The following LYST variants were observed in gnomAD, a reference collection of about 807,000 sequenced individuals.
LYST encodes lysosomal trafficking regulator, also known as lysosomal-trafficking regulator.
In LYST, 192 loss-of-function variants were observed where a neutral mutation model predicts 413.6. That is an observed-to-expected ratio of 0.46 (90% confidence interval 0.41 to 0.52). The LOEUF (loss-of-function observed/expected upper bound fraction) is 0.52, where lower values mean the gene tolerates loss of function less well. Ranked by LOEUF, LYST falls within the 20% of genes least tolerant of loss-of-function variation. The pLI is 0.00. For synonymous variants in LYST, 1,525 were observed against 1,567.3 expected (o/e 0.97, Z 0.64); for missense variants, 3,815 against 4,499.9 (o/e 0.85, Z 4.35).
At chr1:235,810,593 A>C (rs1673360422) in intron 4 of LYST, 59 bp from the exon 5 acceptor site, 7 of 1,438,504 alleles carry the variant, frequency 4.9e-6, no homozygotes, top group Non-Finnish European at 6.8e-6. Context: ...ACTCAATTTT[A>C]AGGTGACAGC....
At chr1:235,852,971 C>T (rs769576347) in intron 1 of LYST, 7 of 170,376 alleles carry the variant, frequency 4.1e-5, no homozygotes, top group Non-Finnish European at 4.4e-5. Flanking sequence ...CCTTTCAGAG[C>T]ATTTTAGCGA....
At chr1:235,730,479 AAC>A (rs899510231) in intron 36 of LYST, among the ~76,000 whole-genome samples, 40 of 151,938 alleles carry the variant, frequency 2.6e-4, no homozygotes, top group African/African-American at 9.6e-4. Flanking sequence ...AGAGATGTTA[AAC>A]AGTCAATTAC....
chr1:235,665,506 GGAGGCTGAGGCAGAAGAATCACTT>G (rs1286964056), intron 50 of LYST, among the ~76,000 whole-genome samples: 1 of 151,706 alleles, frequency 6.6e-6, no homozygotes, highest in East Asian at 1.9e-4. Context: ...CAGCTACTAG[GGAGGCTGAGGCAGAAGAATCACTT>G]GAACCCAGGA....
At chr1:235,709,415 C>T (rs1662227232) in intron 43 of LYST, 107 bp from the exon 44 acceptor site, 2 of 849,744 alleles carry the variant, frequency 2.4e-6, no homozygotes, top group African/African-American at 3.4e-5. Flanking sequence ...TGTGCTACAA[C>T]CAAAAAAGGG....
rs565716968 is a variant in LYST at position 235,670,342 on chromosome 1, C to T, written c.11039-5721G>A. On this transcript the variant is annotated intron_variant, in intron 50 of 52. Transcript: ENST00000389793. Reference sequence around the variant, plus strand: ...TGTTTGGTATGCTCTTGCAATCAGACGGATGCAGGCAGCACCCTTCTGCAG... The same window carrying T: ...TGTTTGGTATGCTCTTGCAATCAGATGGATGCAGGCAGCACCCTTCTGCAG... 1.4e-4 allele frequency among the ~76,000 whole-genome samples: 21 copies of T among 152,332 alleles called. No homozygotes were observed. In the South Asian group the frequency reaches 2.9e-3, roughly 21 times the overall value.
At chr1:235,698,260 A>T (rs1291042954) in intron 45 of LYST, among the ~76,000 whole-genome samples, 1 of 152,170 alleles carries the variant, frequency 6.6e-6, no homozygotes, top group African/African-American at 2.4e-5. Flanking sequence ...TCTGTAAAAA[A>T]CCTGATTTTT....
chr1:235,695,518 A>C (rs1382124412), intron 46 of LYST, among the ~76,000 whole-genome samples: 1 of 152,250 alleles, frequency 6.6e-6, no homozygotes, highest in Non-Finnish European at 1.5e-5. Context: ...CTGTAGTGGC[A>C]CAAATAAGAT....
intron 45 of LYST, among the ~76,000 whole-genome samples, chr1:235,701,308 G>T (rs941341028): frequency 6.6e-6 from 1 of 152,186 alleles, no homozygotes; most frequent in Non-Finnish European, 1.5e-5. Context: ...TTTCAGGGAT[G>T]TATTGTAAAA....
intron 47 of LYST, among the ~76,000 whole-genome samples, chr1:235,689,011 T>G (rs1660433999): frequency 7.4e-6 from 1 of 135,504 alleles, no homozygotes. Context: ...ATAATAATAA[T>G]AATAATAATA....
chr1:235,713,383 G>GC (rs776651837), intron 42 of LYST, among the ~76,000 whole-genome samples: 8 of 152,144 alleles, frequency 5.3e-5, no homozygotes, highest in Non-Finnish European at 1.2e-4. Flanking sequence ...AGTATCTGGA[G>GC]CTAAGACTAA....
intron 3 of LYST, chr1:235,829,976 A>G: frequency 2.7e-6 from 1 of 365,458 alleles, no homozygotes; most frequent in South Asian, 4.2e-5. Flanking sequence ...TGATATTACG[A>G]TAAAAAGCAT....
At chr1:235,678,579 T>C (rs1571977751) in intron 48 of LYST, among the ~76,000 whole-genome samples, 1 of 152,264 alleles carries the variant, frequency 6.6e-6, no homozygotes, top group East Asian at 1.9e-4. Flanking sequence ...CCTTCAAAAA[T>C]ATAGAAAAGT....
chr1:235,746,291 T>C (rs772572715), intron 29 of LYST, 45 bp downstream of exon 29: 7 of 1,560,694 alleles, frequency 4.5e-6, no homozygotes, highest in Non-Finnish European at 4.4e-6. Flanking sequence ...TACTTCTCTT[T>C]CATTTTAAAA....
At chr1:235,811,236 G>A (rs1015863569) in intron 4 of LYST, among the ~76,000 whole-genome samples, 1 of 152,166 alleles carries the variant, frequency 6.6e-6, no homozygotes, top group African/African-American at 2.4e-5. Context: ...CATAAGAGAT[G>A]CTGTAGATTA....
chr1:235,696,756 T>C (rs1298366728), intron 46 of LYST, among the ~76,000 whole-genome samples: 6 of 152,244 alleles, frequency 3.9e-5, no homozygotes, highest in Non-Finnish European at 8.8e-5. Flanking sequence ...TCTGAGATGG[T>C]AGATTTGTTG....
chr1:235,678,043 A>G (rs1659525420), intron 48 of LYST, among the ~76,000 whole-genome samples: 1 of 152,084 alleles, frequency 6.6e-6, no homozygotes, highest in Admixed American at 6.6e-5. Context: ...AATTGTTTCT[A>G]TTTTTTTCAA....
At chr1:235,709,964 CA>C (rs1198835634) in intron 43 of LYST, among the ~76,000 whole-genome samples, 10 of 152,046 alleles carry the variant, frequency 6.6e-5, no homozygotes, top group Middle Eastern at 3.2e-3. Flanking sequence ...ATTGTCTCAT[CA>C]GTATAAACAA....
At chr1:235,758,523 C>T (rs887640373) in intron 23 of LYST, among the ~76,000 whole-genome samples, 3 of 152,180 alleles carry the variant, frequency 2.0e-5, no homozygotes, top group African/African-American at 7.2e-5. Flanking sequence ...CACCCTATGA[C>T]ACCTGTTCCT....
intron 21 of LYST, among the ~76,000 whole-genome samples, chr1:235,765,599 T>C (rs1668060359): frequency 6.6e-6 from 1 of 152,200 alleles, no homozygotes; most frequent in Admixed American, 6.5e-5. Context: ...CCCCTATATA[T>C]AGGTAAAACT....
Sources: allele counts gnomAD v4.1 joint callset (sites outside exome capture counted in the v4.1 genomes callset), GRCh38; gene constraint gnomAD v4.1.1; transcripts MANE v1.5; gene names NCBI Gene and HGNC (gene_info 2026-07-23, HGNC 2026-07-21).